Variants in TMEM108 observed in about 807,000 individuals in gnomAD.
TMEM108 encodes cancer/testis antigen 124.
A neutral mutation model predicts 35.1 loss-of-function variants in TMEM108; 12 were observed. That is an observed-to-expected ratio of 0.34 (90% CI 0.22 to 0.55). The LOEUF is 0.55. Ranked by LOEUF, TMEM108 falls within the 20% of genes least tolerant of loss-of-function variation. The pLI, the probability that TMEM108 is intolerant of heterozygous loss-of-function variation, is 0.89. For synonymous variants in TMEM108, 287 were observed against 308.6 expected (o/e 0.93, Z 0.73); for missense variants, 680 against 753.3 (o/e 0.90, Z 1.14).
At chr3:133,305,689 C>T (rs1237248143) in intron 3 of TMEM108, among the ~76,000 whole-genome samples, 1 of 151,916 alleles carries the variant, frequency 6.6e-6, no homozygotes, top group Non-Finnish European at 1.5e-5. Context: ...GTGGCTGTAC[C>T]ATTTTACATT....
At chr3:133,199,584 G>A (rs572525835) in intron 2 of TMEM108, among the ~76,000 whole-genome samples, 54 of 152,258 alleles carry the variant, frequency 3.5e-4, no homozygotes, top group Middle Eastern at 6.8e-3. Context: ...TATCACCAGC[G>A]GAGGCTGCAG....
In TMEM108 at chr3:133,186,392, A is replaced by G. The variant is rs149043571; in HGVS notation, c.-46-42874A>G. Among the ~76,000 whole-genome samples the G allele has an allele frequency of 1.8e-3, 273 of 152,332 alleles. 1 individual carries two copies. Among genetic ancestry groups the G allele is most frequent in the African/African-American group, 6.1e-3 (253 of 41,574 alleles). On this transcript the variant is annotated intron_variant, in intron 2 of 5. Coordinates refer to ENST00000321871, the MANE Select transcript of TMEM108 (RefSeq NM_023943.4). ...ATACTACTGTTCTATTATAAATGCA[A>G]CTTACATAATTTATTCCTTACTGTC...
At chr3:133,289,747 C>T (rs184395294) in intron 3 of TMEM108, among the ~76,000 whole-genome samples, 7 of 152,200 alleles carry the variant, frequency 4.6e-5, no homozygotes, top group East Asian at 3.9e-4. Context: ...TTTTTTCAAA[C>T]GGCTACTAAG....
At chr3:133,191,174 G>A (rs1945492387) in intron 2 of TMEM108, among the ~76,000 whole-genome samples, 1 of 152,122 alleles carries the variant, frequency 6.6e-6, no homozygotes, top group African/African-American at 2.4e-5. Context: ...GGATCTATAA[G>A]CAATACAACC....
intron 2 of TMEM108, among the ~76,000 whole-genome samples, chr3:133,126,143 G>A (rs979529503): frequency 6.6e-6 from 1 of 152,144 alleles, no homozygotes; most frequent in Non-Finnish European, 1.5e-5. Context: ...AGAAGCCCAA[G>A]TATATACTAC....
At chr3:133,043,834 C>G (rs1943304078) in intron 1 of TMEM108, among the ~76,000 whole-genome samples, 1 of 152,162 alleles carries the variant, frequency 6.6e-6, no homozygotes, top group Admixed American at 6.5e-5. Flanking sequence ...AATTGCTGCT[C>G]CTCCTTGGCT....
chr3:133,174,234 A>G (rs1945175732), intron 2 of TMEM108, among the ~76,000 whole-genome samples: 1 of 152,256 alleles, frequency 6.6e-6, no homozygotes, highest in Non-Finnish European at 1.5e-5. Context: ...CTGCCTCTGT[A>G]GACTCCACGT....
chr3:133,076,899 A>G (rs2107693884), intron 2 of TMEM108, among the ~76,000 whole-genome samples: 1 of 152,352 alleles, frequency 6.6e-6, no homozygotes, highest in South Asian at 2.1e-4. Flanking sequence ...TAAGCCAACG[A>G]AAGGAAGAGA....
At chr3:133,244,077 G>A (rs1364822375) in intron 3 of TMEM108, among the ~76,000 whole-genome samples, 6 of 152,218 alleles carry the variant, frequency 3.9e-5, no homozygotes, top group Admixed American at 6.5e-5. Flanking sequence ...TGTCTTCATC[G>A]GGTGACAGAG....
chr3:133,089,646 G>A (rs1424898218), intron 2 of TMEM108, among the ~76,000 whole-genome samples: 1 of 152,188 alleles, frequency 6.6e-6, no homozygotes, highest in African/African-American at 2.4e-5. Context: ...CAGGAAAAAG[G>A]TTGGCTTAAT....
intron 3 of TMEM108, among the ~76,000 whole-genome samples, chr3:133,370,921 T>TGTGTGTGTGTGTGTGTGTGC (rs142623622): frequency 4.3e-5 from 6 of 139,288 alleles, no homozygotes; most frequent in African/African-American, 1.6e-4. Flanking sequence ...TGTGTGTGTG[T>TGTGTGTGTGTGTGTGTGTGC]GCCAGGAAGC....
intron 2 of TMEM108, among the ~76,000 whole-genome samples, chr3:133,114,251 A>G (rs1466492795): frequency 6.6e-6 from 1 of 152,224 alleles, no homozygotes; most frequent in Admixed American, 6.5e-5. Flanking sequence ...GTATGATAGC[A>G]TCAATGTAAG....
chr3:133,200,403 A>C (rs1044702753), intron 2 of TMEM108, among the ~76,000 whole-genome samples: 1 of 152,200 alleles, frequency 6.6e-6, no homozygotes, highest in African/African-American at 2.4e-5. Flanking sequence ...CCAAGAGAGA[A>C]GTTCTGAGCT....
At chr3:133,250,557 G>A (rs1238509484) in intron 3 of TMEM108, among the ~76,000 whole-genome samples, 2 of 152,216 alleles carry the variant, frequency 1.3e-5, no homozygotes, top group Non-Finnish European at 2.9e-5. Context: ...ATTTTCAACT[G>A]TGCAGGGGGT....
rs1040000059 is a variant in TMEM108, at chr3:133,249,697, A to G, written c.40+20346A>G. On this transcript the variant is annotated intron_variant, in intron 3 of 5. Coordinates refer to ENST00000321871, the MANE Select transcript of TMEM108 (RefSeq NM_023943.4). ...GGTGTACATGTACCACGTTTTCCTTATCCAGTCCACTGTTGATAGGTACCT... is the reference window on the plus strand; with the variant it reads ...GGTGTACATGTACCACGTTTTCCTTGTCCAGTCCACTGTTGATAGGTACCT... Among the ~76,000 whole-genome samples the G allele has an allele frequency of 1.8e-4, 27 of 152,064 alleles. 1 individual carries two copies. Among genetic ancestry groups the G allele is most frequent in the Admixed American group, 1.8e-3 (27 of 15,264 alleles).
intron 3 of TMEM108, among the ~76,000 whole-genome samples, chr3:133,278,773 T>C (rs1406866552): frequency 6.6e-6 from 1 of 152,202 alleles, no homozygotes; most frequent in African/African-American, 2.4e-5. Flanking sequence ...AGACAATTGG[T>C]AAACTGTAAG....
At chr3:133,334,024 T>G (rs1345885751) in intron 3 of TMEM108, among the ~76,000 whole-genome samples, 2 of 152,202 alleles carry the variant, frequency 1.3e-5, no homozygotes, top group East Asian at 3.8e-4. Flanking sequence ...TCATAGAATA[T>G]TAACTTTAGA....
intron 3 of TMEM108, among the ~76,000 whole-genome samples, chr3:133,355,892 T>G (rs1467126881): frequency 6.6e-6 from 1 of 152,054 alleles, no homozygotes; most frequent in East Asian, 1.9e-4. Flanking sequence ...TCTTTCTAAC[T>G]GGCACAAAAA....
chr3:133,078,371 C>G (rs1003180591), intron 2 of TMEM108, among the ~76,000 whole-genome samples: 4 of 152,118 alleles, frequency 2.6e-5, no homozygotes, highest in Non-Finnish European at 5.9e-5. Flanking sequence ...AGGTTACTCC[C>G]AAACAACTAG....
Sources: allele counts gnomAD v4.1 joint callset (sites outside exome capture counted in the v4.1 genomes callset), GRCh38; gene constraint gnomAD v4.1.1; transcripts MANE v1.5; gene names NCBI Gene and HGNC (gene_info 2026-07-23, HGNC 2026-07-21).